The following PTPRD variants were observed in gnomAD, a reference collection of about 807,000 sequenced individuals.
PTPRD encodes the protein receptor-type tyrosine-protein phosphatase delta.
In PTPRD, 34 loss-of-function variants were observed where a neutral mutation model predicts 214.5. The observed-to-expected ratio is 0.16, with a 90% CI of 0.12 to 0.21. The LOEUF is 0.21. PTPRD is among the 10% of genes least tolerant of loss of function. The pLI, the probability that PTPRD is intolerant of heterozygous loss-of-function variation, is 1.00. For synonymous variants in PTPRD, 1,128 were observed against 845.7 expected (o/e 1.33, Z -5.79); for missense variants, 2,545 against 2,398.7 (o/e 1.06, Z -1.27).
intron 2 of PTPRD, among the ~76,000 whole-genome samples, chr9:10,568,315 C>A (rs1260366916): frequency 6.6e-6 from 1 of 152,046 alleles, no homozygotes; most frequent in East Asian, 1.9e-4. Flanking sequence ...TTTATGGCTG[C>A]ATAGTATTCC....
At chr9:8,543,566 C>T (rs187571404) in intron 14 of PTPRD, among the ~76,000 whole-genome samples, 62 of 152,280 alleles carry the variant, frequency 4.1e-4, no homozygotes, top group African/African-American at 1.4e-3. Context: ...AGATAAAATA[C>T]TATGCAATAC....
At position 10,372,624 on chromosome 9, in the gene PTPRD, T is replaced by C. The variant is rs548452066; in HGVS notation, c.-599-31607A>G. Among the ~76,000 whole-genome samples, 8 of 152,044 alleles carry C rather than the reference T, an allele frequency of 5.3e-5. 1 individual carries two copies. The South Asian group carries it at 1.7e-3, about 32-fold the overall frequency. ...TACTCTAAACTTTTACATATTCCAT[T>C]ACGTCCTAGAGCCTCCATCAGTGCC... On this transcript the variant is annotated intron_variant, in intron 2 of 45. Coordinates refer to ENST00000381196, the MANE Select transcript of PTPRD (RefSeq NM_002839.4).
At chr9:10,194,345 T>TATAG (rs2099388529) in intron 3 of PTPRD, among the ~76,000 whole-genome samples, 11 of 39,852 alleles carry the variant, frequency 2.8e-4, no homozygotes, top group African/African-American at 8.5e-4. Flanking sequence ...TATATATATA[T>TATAG]AGAGAGAGAG....
chr9:10,258,114 G>T (rs149378729), intron 3 of PTPRD, among the ~76,000 whole-genome samples: 2 of 152,232 alleles, frequency 1.3e-5, no homozygotes, highest in East Asian at 3.9e-4. Flanking sequence ...TTCCACTCCT[G>T]GTCTTCCAAA....
intron 2 of PTPRD, among the ~76,000 whole-genome samples, chr9:10,598,674 A>ATG (rs36093644): frequency 0.14 from 20,386 of 143,600 alleles, 1,514 homozygotes; most frequent in African/African-American, 0.18. Context: ...TTATATATGT[A>ATG]TGTGTGTGTG....
chr9:9,600,404 A>T (rs940008103), intron 7 of PTPRD, among the ~76,000 whole-genome samples: 20 of 104,976 alleles, frequency 1.9e-4, no homozygotes, highest in African/African-American at 7.4e-4. Flanking sequence ...TTATGCATTC[A>T]TTCATTTCTT....
At chr9:8,820,363 T>C (rs1313142211) in intron 11 of PTPRD, among the ~76,000 whole-genome samples, 1 of 152,108 alleles carries the variant, frequency 6.6e-6, no homozygotes, top group East Asian at 1.9e-4. Flanking sequence ...AAATTTAATA[T>C]GAGGAAGAGA....
At chr9:8,507,039 G>A (rs1265228019) in intron 22 of PTPRD, among the ~76,000 whole-genome samples, 1 of 152,030 alleles carries the variant, frequency 6.6e-6, no homozygotes, top group African/African-American at 2.4e-5. Context: ...AACTCTGTCA[G>A]AAGCACATTC....
chr9:9,169,398 G>A (rs2099910282), intron 10 of PTPRD, among the ~76,000 whole-genome samples: 1 of 152,060 alleles, frequency 6.6e-6, no homozygotes, highest in Non-Finnish European at 1.5e-5. Context: ...TAGACGGTAA[G>A]TATTTGGAAA....
At chr9:9,919,451 A>T (rs952713150) in intron 5 of PTPRD, among the ~76,000 whole-genome samples, 10 of 152,120 alleles carry the variant, frequency 6.6e-5, no homozygotes, top group African/African-American at 2.4e-4. Flanking sequence ...CTTACCAGTG[A>T]ACTCAGTTTC....
intron 25 of PTPRD, among the ~76,000 whole-genome samples, chr9:8,498,302 A>C (rs1441643165): frequency 1.3e-5 from 2 of 152,082 alleles, no homozygotes; most frequent in Non-Finnish European, 2.9e-5. Flanking sequence ...TTTGAGATGC[A>C]ATCTTCCTCT....
chr9:9,488,828 CA>C (rs1269167749), intron 8 of PTPRD, among the ~76,000 whole-genome samples: 5 of 152,154 alleles, frequency 3.3e-5, no homozygotes, highest in African/African-American at 1.2e-4. Context: ...AGCCACACTG[CA>C]AGCAGCTGTG....
At chr9:9,015,063 TA>T (rs1394623248) in intron 11 of PTPRD, among the ~76,000 whole-genome samples, 2 of 152,062 alleles carry the variant, frequency 1.3e-5, no homozygotes, top group African/African-American at 4.8e-5. Flanking sequence ...TCAATTTGTG[TA>T]AAAAAAGAAT....
At chr9:9,628,571 A>G (rs2095492887) in intron 7 of PTPRD, among the ~76,000 whole-genome samples, 2 of 152,188 alleles carry the variant, frequency 1.3e-5, no homozygotes, top group African/African-American at 4.8e-5. Context: ...CAAAAGCTTT[A>G]TTATTCCAAA....
intron 3 of PTPRD, among the ~76,000 whole-genome samples, chr9:10,224,088 G>C (rs1323683599): frequency 6.6e-6 from 1 of 151,854 alleles, no homozygotes; most frequent in Admixed American, 6.6e-5. Context: ...AGTCTATGAA[G>C]ATAATTTCAG....
chr9:9,508,880 C>A (rs1590193979), intron 8 of PTPRD, among the ~76,000 whole-genome samples: 2 of 151,518 alleles, frequency 1.3e-5, no homozygotes, highest in East Asian at 1.9e-4. Context: ...TATGTGGTGG[C>A]CCTCTTATGT....
chr9:9,851,985 C>G (rs138236664), intron 5 of PTPRD, among the ~76,000 whole-genome samples: 95 of 152,138 alleles, frequency 6.2e-4, no homozygotes, highest in African/African-American at 2.1e-3. Flanking sequence ...TGTGAAGTCC[C>G]CGATTTCAGA....
chr9:9,139,328 G>T (rs980200625), intron 10 of PTPRD, among the ~76,000 whole-genome samples: 4 of 151,978 alleles, frequency 2.6e-5, no homozygotes, highest in African/African-American at 9.7e-5. Flanking sequence ...TGTTGATGAG[G>T]AAAAAAATTG....
chr9:10,164,249 C>T (rs558060580), intron 3 of PTPRD, among the ~76,000 whole-genome samples: 162 of 151,618 alleles, frequency 1.1e-3, no homozygotes, highest in African/African-American at 3.7e-3. Context: ...TATTTTAGCA[C>T]TCAAGTTAAA....
Sources: allele counts gnomAD v4.1 joint callset (sites outside exome capture counted in the v4.1 genomes callset), GRCh38; gene constraint gnomAD v4.1.1; transcripts MANE v1.5; gene names NCBI Gene and HGNC (gene_info 2026-07-23, HGNC 2026-07-21).